Variants in ATAD5 observed in about 807,000 individuals in gnomAD.
ATAD5 encodes the protein ATPase family AAA domain-containing protein 5.
A neutral mutation model predicts 176.9 loss-of-function variants in ATAD5; 58 were observed. The ratio of observed to expected loss-of-function variants is 0.33; its 90% CI spans 0.27 to 0.41. ATAD5 has a LOEUF of 0.41. Among genes scored for constraint, ATAD5 ranks in the 10% least tolerant of loss-of-function variants. The pLI, the probability that ATAD5 is intolerant of heterozygous loss-of-function variation, is 1.00. For missense variants in ATAD5, 1,789 were observed against 2,094.1 expected, an observed-to-expected ratio of 0.85 and a Z score of 2.84; for synonymous variants, 640 against 712.6, an observed-to-expected ratio of 0.90 and a Z score of 1.62.
intron 14 of ATAD5, 147 bp from the exon 15 acceptor site, chr17:30,876,227 G>A (rs1908666489): frequency 1.9e-6 from 1 of 529,216 alleles, no homozygotes; most frequent in Non-Finnish European, 3.2e-6. Flanking sequence ...ATATTTGGAT[G>A]TACATAGTAT....
chr17:30,871,187 A>G (rs1228932311), intron 14 of ATAD5, among the ~76,000 whole-genome samples: 5 of 130,918 alleles, frequency 3.8e-5, no homozygotes, highest in Admixed American at 1.6e-4. Context: ...TGTCACTGCT[A>G]TAAGTATAGT....
intron 15 of ATAD5, among the ~76,000 whole-genome samples, chr17:30,876,861 T>C (rs1023293869): frequency 2.6e-5 from 4 of 151,684 alleles, no homozygotes; most frequent in East Asian, 1.9e-4. Flanking sequence ...GGATTACTGG[T>C]GCACACCACC....
chr17:30,893,947 T>C lies in ATAD5; in HGVS notation c.5094T>C (p.Asp1698=), dbSNP rs756573453. ...LCDEFSLESN[D]GWTSQSSGEL... ...ATGAGTTTAGTCTTGAGAGTAATGA[T>C]GGATGGACTTCTCAAAGCTCTGGAG... The change falls in exon 21 of 23, where the codon GAT becomes GAC. Residue 1698 remains aspartate (D), a synonymous_variant. Coordinates refer to ENST00000321990, the MANE Select transcript of ATAD5 (RefSeq NM_024857.5). The C allele has an allele frequency of 6.2e-7, 1 of 1,614,098 alleles. No individual in the cohort carries two copies. The highest frequency in any genetic ancestry group is 2.2e-5 in the East Asian group (1 of 44,874).
intron 11 of ATAD5, among the ~76,000 whole-genome samples, chr17:30,867,120 G>GT (rs59792161): frequency 1 from 151,501 of 151,502 alleles, 75,750 homozygotes; most frequent in Middle Eastern, 1. Context: ...ACTGTGAGCA[G>GT]TGGGTACAGT....
intron 19 of ATAD5, among the ~76,000 whole-genome samples, 191 bp from the exon 20 acceptor site, chr17:30,892,416 C>G (rs1909687127): frequency 7.4e-6 from 1 of 135,086 alleles, no homozygotes; most frequent in Non-Finnish European, 1.6e-5. Flanking sequence ...TAGAGTGATA[C>G]TCTGTCTTTA....
At chr17:30,855,019 A>T in intron 6 of ATAD5, 124 bp from the exon 7 acceptor site, 1 of 891,406 alleles carries the variant, frequency 1.1e-6, no homozygotes, top group Non-Finnish European at 1.6e-6. Context: ...TCTGCCTCTC[A>T]AAGTACTTAT....
intron 5 of ATAD5, 84 bp downstream of exon 5, chr17:30,844,123 T>G (rs1454356505): frequency 3.3e-6 from 3 of 920,830 alleles, no homozygotes; most frequent in East Asian, 3.8e-5. Context: ...TCTGGGGTAT[T>G]TATTTATTTA....
At position 30,834,668 on chromosome 17, in the gene ATAD5, G is replaced by C; in HGVS notation, c.587G>C (p.Gly196Ala). The change falls in exon 2 of 23, where the codon GGG becomes GCG. Residue 196 changes from glycine to alanine, a missense_variant. Coordinates refer to ENST00000321990, the MANE Select transcript of ATAD5 (RefSeq NM_024857.5). ...QNSKKVNPKQ[G>A]TTKNDFKKLR... ...TCTAAAAAAGTAAATCCTAAACAAG[G>C]GACCACAAAAAATGACTTCAAAAAG... 1 of 1,609,452 alleles carries C rather than the reference G, an allele frequency of 6.2e-7. No homozygotes were observed. The highest frequency in any genetic ancestry group is 8.5e-7 in the Non-Finnish European group (1 of 1,178,904).
At chr17:30,884,142 C>T (rs1361175928) in intron 18 of ATAD5, among the ~76,000 whole-genome samples, 3 of 150,972 alleles carry the variant, frequency 2.0e-5, no homozygotes, top group Non-Finnish European at 4.4e-5. Context: ...TGGAATCATA[C>T]TGATTTGGCT....
At chr17:30,838,443 A>G (rs978722043) in intron 3 of ATAD5, among the ~76,000 whole-genome samples, 1 of 152,220 alleles carries the variant, frequency 6.6e-6, no homozygotes, top group Non-Finnish European at 1.5e-5. Context: ...AGTAAATATT[A>G]TTTAACCCTT....
At chr17:30,886,729 G>A (rs1015651537) in intron 18 of ATAD5, among the ~76,000 whole-genome samples, 7 of 151,132 alleles carry the variant, frequency 4.6e-5, no homozygotes, top group African/African-American at 1.7e-4. Context: ...GCAATATAGT[G>A]AGACCCTGAT....
At chr17:30,846,173 G>T (rs1444435500) in intron 6 of ATAD5, among the ~76,000 whole-genome samples, 1 of 151,906 alleles carries the variant, frequency 6.6e-6, no homozygotes, top group African/African-American at 2.4e-5. Context: ...CAAAATATTC[G>T]ATTTCTATTT....
intron 7 of ATAD5, among the ~76,000 whole-genome samples, chr17:30,855,736 G>A (rs1249088938): frequency 6.6e-6 from 1 of 152,010 alleles, no homozygotes; most frequent in Non-Finnish European, 1.5e-5. Context: ...GTGTATGCCT[G>A]TAGTCCCAGC....
chr17:30,856,642 G>GCTGGAATTACAGGC (rs1907305925), intron 7 of ATAD5, among the ~76,000 whole-genome samples: 1 of 152,146 alleles, frequency 6.6e-6, no homozygotes, highest in Non-Finnish European at 1.5e-5. Context: ...CTCCCAAAGT[G>GCTGGAATTACAGGC]CTGGAATTAC....
At position 30,835,400 on chromosome 17, in the gene ATAD5, A is replaced by G. The variant is rs748989862; in HGVS notation, c.1319A>G (p.Asp440Gly). The G allele has an allele frequency of 1.9e-6, 3 of 1,611,346 alleles. No homozygotes were observed. The highest frequency in any genetic ancestry group is 3.4e-5 in the Admixed American group (2 of 59,494). Residue 440 changes from aspartate (D) to glycine (G), a missense_variant, in exon 2 of 23, where the codon GAT becomes GGT. Asp to Gly is a moderately conservative substitution (Grantham distance 94). This residue lies in a region of ATAD5 where 696 missense variants were observed against 712.5 expected (regional missense o/e 0.98). Transcript: ENST00000321990. Reference sequence around the variant, plus strand: ...AAATGTCTATATGAAGTAGGAAGAGATGATAATTCTAAAAAAATCATGGAA... The same window carrying G: ...AAATGTCTATATGAAGTAGGAAGAGGTGATAATTCTAAAAAAATCATGGAA... ...NEKCLYEVGRDDNSKKIMENS... is the reference protein window; with the variant it reads ...NEKCLYEVGRGDNSKKIMENS...
chr17:30,886,319 A>G (rs1909319948), intron 18 of ATAD5, among the ~76,000 whole-genome samples: 1 of 151,328 alleles, frequency 6.6e-6, no homozygotes, highest in Non-Finnish European at 1.5e-5. Context: ...GATATACTTC[A>G]TCAGTGAATT....
chr17:30,836,458 G>A (rs182807751), intron 2 of ATAD5, among the ~76,000 whole-genome samples: 6 of 152,090 alleles, frequency 3.9e-5, no homozygotes, highest in Admixed American at 3.3e-4. Flanking sequence ...GATTATAGTC[G>A]TGAGCCACTG....
At chr17:30,840,365 G>T (rs1906031813) in intron 3 of ATAD5, among the ~76,000 whole-genome samples, 1 of 152,010 alleles carries the variant, frequency 6.6e-6, no homozygotes, top group African/African-American at 2.4e-5. Context: ...AAAATAGATT[G>T]CCAAGTCTAT....
chr17:30,835,056 T>G lies in ATAD5; in HGVS notation c.975T>G (p.Leu325=), dbSNP rs1057353069. 3 of 1,614,026 alleles carry G rather than the reference T, an allele frequency of 1.9e-6. No homozygotes were observed. The highest frequency in any genetic ancestry group is 3.3e-5 in the Admixed American group (2 of 60,018). Residue 325 remains leucine (L), a synonymous_variant, in exon 2 of 23, where the codon CTT becomes CTG. Coordinates refer to ENST00000321990, the MANE Select transcript of ATAD5 (RefSeq NM_024857.5). ...TACGCTTTAAGACAGTTACTGTTCTTGCACAGGTTCACCCTATTCCGCCCA... is the reference window on the plus strand; with the variant it reads ...TACGCTTTAAGACAGTTACTGTTCTGGCACAGGTTCACCCTATTCCGCCCA... The part of the protein sequence containing the change: ...QQVRFKTVTV[L]AQVHPIPPKK...
Sources: allele counts gnomAD v4.1 joint callset (sites outside exome capture counted in the v4.1 genomes callset), GRCh38; gene constraint gnomAD v4.1.1; regional missense constraint gnomAD v4.1.1; transcripts MANE v1.5; gene names NCBI Gene and HGNC (gene_info 2026-07-23, HGNC 2026-07-21).